Variants in TMEM117 observed in about 807,000 individuals in gnomAD.
TMEM117 encodes the protein transmembrane protein 117.
In TMEM117, 27 loss-of-function variants were observed where a neutral mutation model predicts 52.4. The ratio of observed to expected loss-of-function variants is 0.51; its 90% CI spans 0.38 to 0.71. The LOEUF is 0.71. TMEM117 is among the 30% of genes least tolerant of loss of function. TMEM117 has a pLI of 0.00. For missense variants in TMEM117, 556 were observed against 630.5 expected, an observed-to-expected ratio of 0.88 and a Z score of 1.26; for synonymous variants, 215 against 206.3, an observed-to-expected ratio of 1.04 and a Z score of -0.36.
At chr12:43,844,313 C>A (rs1943163356) in intron 1 of TMEM117, among the ~76,000 whole-genome samples, 1 of 152,214 alleles carries the variant, frequency 6.6e-6, no homozygotes, top group Admixed American at 6.5e-5. Context: ...CTGGGAGGGC[C>A]TCTACATGTC....
chr12:43,934,939 CTT>C (rs1386048976), intron 2 of TMEM117, among the ~76,000 whole-genome samples: 1 of 152,066 alleles, frequency 6.6e-6, no homozygotes, highest in Non-Finnish European at 1.5e-5. Context: ...TGTTAGATAA[CTT>C]TGTTGATGTC....
chr12:44,223,341 TC>T (rs1224003678), intron 5 of TMEM117, among the ~76,000 whole-genome samples: 2 of 152,046 alleles, frequency 1.3e-5, no homozygotes, highest in Non-Finnish European at 2.9e-5. Context: ...TTCTCCTTTT[TC>T]AGCATTATCA....
At chr12:43,880,434 G>C (rs904489384) in intron 2 of TMEM117, among the ~76,000 whole-genome samples, 3 of 151,580 alleles carry the variant, frequency 2.0e-5, no homozygotes, top group African/African-American at 7.3e-5. Context: ...CAGCCTGTCA[G>C]CTACTCATGT....
At position 44,133,920 on chromosome 12, in the gene TMEM117, T is replaced by C. The variant is rs17094138; in HGVS notation, c.411-9605T>C. ...ACTACTAAATGATGTCTGCTTAATATTATCTTCTTGTTACCTTTTTCTGAC... is the reference window on the plus strand; with the variant it reads ...ACTACTAAATGATGTCTGCTTAATACTATCTTCTTGTTACCTTTTTCTGAC... On this transcript the variant is annotated intron_variant, in intron 3 of 7. Coordinates refer to ENST00000266534, the MANE Select transcript of TMEM117 (RefSeq NM_032256.3). Among the ~76,000 whole-genome samples, 291 of 152,310 alleles carry C rather than the reference T, an allele frequency of 1.9e-3. 6 individuals carry two copies. The East Asian group carries it at 0.034, about 18-fold the overall frequency.
chr12:44,028,565 C>T (rs978449069), intron 3 of TMEM117, among the ~76,000 whole-genome samples: 8 of 152,170 alleles, frequency 5.3e-5, no homozygotes, highest in African/African-American at 1.9e-4. Context: ...TGGCCTCGGT[C>T]GTCCTCACTG....
intron 2 of TMEM117, among the ~76,000 whole-genome samples, chr12:43,925,922 GCAAGCCAGT>G (rs1031274835): frequency 6.6e-6 from 1 of 152,130 alleles, no homozygotes; most frequent in African/African-American, 2.4e-5. Flanking sequence ...TTTCAGTTTA[GCAAGCCAGT>G]CTGGGTCCCA....
chr12:44,001,983 G>A (rs1179096972), intron 3 of TMEM117, among the ~76,000 whole-genome samples: 1 of 152,060 alleles, frequency 6.6e-6, no homozygotes, highest in Non-Finnish European at 1.5e-5. Context: ...CTGTATACAG[G>A]GACAAGAAGT....
intron 4 of TMEM117, among the ~76,000 whole-genome samples, chr12:44,148,463 A>G (rs945883991): frequency 2.0e-5 from 3 of 152,196 alleles, no homozygotes; most frequent in African/African-American, 4.8e-5. Flanking sequence ...TTTAGAAAAA[A>G]GGTATTTTTT....
In TMEM117 at chr12:44,114,271, A is replaced by G. The variant is rs534335758; in HGVS notation, c.411-29254A>G. Among the ~76,000 whole-genome samples the G allele has an allele frequency of 3.9e-5, 6 of 152,328 alleles. No individual in the cohort carries two copies. In the East Asian group the frequency reaches 1.2e-3, roughly 29 times the overall value. ...AAATAAGTTTAAATTTTTATTTTAAAGAAAAATGACAACTTTTTACTCCTT... is the reference window on the plus strand; with the variant it reads ...AAATAAGTTTAAATTTTTATTTTAAGGAAAAATGACAACTTTTTACTCCTT... On this transcript the variant is annotated intron_variant, in intron 3 of 7. Coordinates refer to ENST00000266534, the MANE Select transcript of TMEM117 (RefSeq NM_032256.3).
chr12:44,254,578 A>G (rs1192297635), intron 5 of TMEM117, among the ~76,000 whole-genome samples: 2 of 152,038 alleles, frequency 1.3e-5, no homozygotes, highest in Non-Finnish European at 2.9e-5. Flanking sequence ...TATGGAAAAT[A>G]TCCATAAAAT....
chr12:43,806,097 C>A, the TMEM117 span: 1 of 1,521,130 alleles, frequency 6.6e-7, no homozygotes, highest in Non-Finnish European at 8.8e-7. Flanking sequence ...AGGCCCGGCT[C>A]GCCCCGCGAG....
At chr12:43,902,473 G>C (rs1944319404) in intron 2 of TMEM117, among the ~76,000 whole-genome samples, 1 of 152,190 alleles carries the variant, frequency 6.6e-6, no homozygotes, top group African/African-American at 2.4e-5. Flanking sequence ...AGGTTGACTT[G>C]ATATCTAGTG....
chr12:43,815,994 T>C, the TMEM117 span, among the ~76,000 whole-genome samples: 5 of 152,240 alleles, frequency 3.3e-5, no homozygotes, highest in Non-Finnish European at 7.3e-5. Flanking sequence ...AAAACATCCA[T>C]TTGTTTGCAT....
intron 5 of TMEM117, among the ~76,000 whole-genome samples, chr12:44,282,757 A>G (rs1003851847): frequency 2.6e-5 from 4 of 152,262 alleles, no homozygotes; most frequent in South Asian, 2.1e-4. Context: ...AGAAATTTAC[A>G]TAAGTAGCAT....
chr12:44,039,771 A>G (rs1946768336), intron 3 of TMEM117, among the ~76,000 whole-genome samples: 1 of 152,108 alleles, frequency 6.6e-6, no homozygotes. Context: ...ATTTAAAAAG[A>G]AACGCCACCC....
chr12:44,142,387 TAA>T (rs1948583129), intron 3 of TMEM117, among the ~76,000 whole-genome samples: 1 of 152,202 alleles, frequency 6.6e-6, no homozygotes, highest in Non-Finnish European at 1.5e-5. Flanking sequence ...TAAGAATTTT[TAA>T]GTTTGCTTTT....
chr12:43,833,515 C>G (rs1377744913), upstream of TMEM117, among the ~76,000 whole-genome samples: 1 of 152,090 alleles, frequency 6.6e-6, no homozygotes, highest in Non-Finnish European at 1.5e-5. Context: ...CAGACCTCAA[C>G]TGAGTGCTGT....
intron 3 of TMEM117, among the ~76,000 whole-genome samples, chr12:44,081,487 C>T (rs1432014883): frequency 6.6e-6 from 1 of 152,096 alleles, no homozygotes; most frequent in Non-Finnish European, 1.5e-5. Context: ...ATTATTCACA[C>T]TGAGAGACAG....
chr12:43,912,381 A>C (rs1351141876), intron 2 of TMEM117, among the ~76,000 whole-genome samples: 6 of 151,606 alleles, frequency 4.0e-5, no homozygotes, highest in Non-Finnish European at 7.4e-5. Context: ...TAGCATTGGG[A>C]GATATACCTA....
Sources: allele counts gnomAD v4.1 joint callset (sites outside exome capture counted in the v4.1 genomes callset), GRCh38; gene constraint gnomAD v4.1.1; transcripts MANE v1.5; gene names NCBI Gene and HGNC (gene_info 2026-07-23, HGNC 2026-07-21).